The following PDXDC1 variants were observed in gnomAD, a reference collection of about 807,000 sequenced individuals.
The protein encoded by PDXDC1 is pyridoxal dependent decarboxylase domain containing 1.
A neutral mutation model predicts 100.1 loss-of-function variants in PDXDC1; 42 were observed. The ratio of observed to expected loss-of-function variants is 0.42; its 90% CI spans 0.33 to 0.54. PDXDC1 has a LOEUF of 0.54. Ranked by LOEUF, PDXDC1 falls within the 20% of genes least tolerant of loss-of-function variation. The pLI, the probability that PDXDC1 is intolerant of heterozygous loss-of-function variation, is 0.10. For missense variants in PDXDC1, 636 were observed against 979.2 expected (o/e 0.65, Z 4.68); for synonymous variants, 260 against 371.7 (o/e 0.70, Z 3.46).
intron 13 of PDXDC1, among the ~76,000 whole-genome samples, chr16:15,024,407 T>A (rs1211495706): frequency 7.2e-6 from 1 of 139,574 alleles, no homozygotes; most frequent in East Asian, 2.2e-4. Flanking sequence ...TCCCCAATTC[T>A]TCTGTTTATT....
At chr16:15,091,081 C>T (rs2046113938) in intron 16 of PDXDC1, among the ~76,000 whole-genome samples, 1 of 152,066 alleles carries the variant, frequency 6.6e-6, no homozygotes. Flanking sequence ...CTCTGTCATT[C>T]ACCCACTAGA....
At chr16:15,042,334 C>G (rs185906651), downstream of PDXDC1, among the ~76,000 whole-genome samples, 1 of 151,814 alleles carries the variant, frequency 6.6e-6, no homozygotes, top group Non-Finnish European at 1.5e-5. Flanking sequence ...TACAGACTTG[C>G]GCCACCATGC....
At chr16:15,061,466 T>G in intron 16 of PDXDC1, 1 of 370,440 alleles carries the variant, frequency 2.7e-6, no homozygotes, top group Admixed American at 4.5e-5. Context: ...ACACAAAAAA[T>G]GTACATATTA....
At chr16:15,005,317 A>AAGAAAG (rs1555551932) in intron 5 of PDXDC1, among the ~76,000 whole-genome samples, 4 of 146,862 alleles carry the variant, frequency 2.7e-5, no homozygotes, top group African/African-American at 7.5e-5. Flanking sequence ...AAAAAAAAAA[A>AAGAAAG]AAAGAAAACT....
intron 8 of PDXDC1, among the ~76,000 whole-genome samples, chr16:15,013,215 G>C (rs1243234908): frequency 6.6e-6 from 1 of 152,232 alleles, no homozygotes; most frequent in Non-Finnish European, 1.5e-5. Flanking sequence ...CAGGTGTGGT[G>C]GTGGGCACCT....
rs575766021 is a variant in PDXDC1 at position 14,987,085 on chromosome 16, G to T, written c.22-10668G>T. 3.3e-5 allele frequency among the ~76,000 whole-genome samples: 5 copies of T among 152,304 alleles called. No individual in the cohort carries two copies. The East Asian group carries it at 9.6e-4, about 29-fold the overall frequency. ...TTAAAAATGCTTGGGTTTAAGAGTT[G>T]GTGGAAAAAGGAAAAAAAAAAAATG... is the stretch of plus-strand genomic sequence containing the variant. On this transcript the variant is annotated intron_variant, in intron 1 of 22. Transcript: ENST00000396410.
At chr16:14,977,828 T>G (rs1160854577) in intron 1 of PDXDC1, among the ~76,000 whole-genome samples, 6 of 152,290 alleles carry the variant, frequency 3.9e-5, no homozygotes, top group Non-Finnish European at 4.4e-5. Flanking sequence ...ATGTGAGCAG[T>G]TGTAAATGAT....
At position 15,034,565 on chromosome 16, in the gene PDXDC1, T is replaced by C. The variant is rs371694399; in HGVS notation, c.2002+12T>C. The C allele has an allele frequency of 6.3e-7, 1 of 1,594,866 alleles. No individual in the cohort carries two copies. Among genetic ancestry groups the C allele is most frequent in the Middle Eastern group, 1.8e-4 (1 of 5,510 alleles). ...TAACTTGACAGCAGGTAGGACGGCA[T>C]AGCCTCTTCCCAGGTCTTGCTGACC... On this transcript the variant is annotated intron_variant, in intron 21 of 22. Transcript: ENST00000396410.
At chr16:15,071,083 A>G (rs1567195366) in intron 16 of PDXDC1, 4 of 1,553,586 alleles carry the variant, frequency 2.6e-6, no homozygotes, top group Middle Eastern at 2.4e-4. Flanking sequence ...TTTTTAAAGC[A>G]TGATATTAAA....
intron 16 of PDXDC1, chr16:15,074,670 A>T (rs1378179546): frequency 7.0e-7 from 1 of 1,429,928 alleles, no homozygotes; most frequent in Non-Finnish European, 9.6e-7. Flanking sequence ...AATGCCCAGC[A>T]CAAAGCCAGG....
intron 19 of PDXDC1, 147 bp downstream of exon 19, chr16:15,033,546 A>T: frequency 1.1e-6 from 1 of 920,500 alleles, no homozygotes; most frequent in Non-Finnish European, 1.7e-6. Flanking sequence ...GCCTTGTGCC[A>T]GGTGTCAGAG....
intron 16 of PDXDC1, chr16:15,094,852 C>T (rs967909708): frequency 6.6e-6 from 1 of 152,338 alleles, no homozygotes; most frequent in Non-Finnish European, 1.5e-5. Flanking sequence ...TATTTATTTT[C>T]TTTTGAGGCC....
intron 16 of PDXDC1, chr16:15,123,293 G>C: frequency 6.8e-7 from 1 of 1,465,242 alleles, no homozygotes; most frequent in South Asian, 1.2e-5. Context: ...TCACAAACCT[G>C]ATTTCTGGTC....
chr16:15,028,108 A>G (rs1374802142), intron 14 of PDXDC1, among the ~76,000 whole-genome samples: 15 of 152,348 alleles, frequency 9.8e-5, no homozygotes, highest in African/African-American at 3.6e-4. Flanking sequence ...AGGCCTGCAC[A>G]CTCTGCCCCG....
intron 5 of PDXDC1, among the ~76,000 whole-genome samples, chr16:15,005,553 A>T (rs1024817922): frequency 1.3e-5 from 2 of 152,276 alleles, no homozygotes; most frequent in African/African-American, 4.8e-5. Context: ...AACTTGGCCA[A>T]GCAGGAGTAT....
intron 1 of PDXDC1, among the ~76,000 whole-genome samples, chr16:14,978,632 C>T (rs1365662304): frequency 6.6e-6 from 1 of 152,292 alleles, no homozygotes; most frequent in Non-Finnish European, 1.5e-5. Flanking sequence ...TGGGCTGAAG[C>T]CATCCTCTTG....
chr16:15,015,910 C>T, intron 8 of PDXDC1: 1 of 1,173,024 alleles, frequency 8.5e-7, no homozygotes, highest in South Asian at 1.8e-5. Flanking sequence ...TTCAATGACA[C>T]AATTAGATAC....
At chr16:14,991,453 A>G (rs1247313475) in intron 1 of PDXDC1, among the ~76,000 whole-genome samples, 1 of 152,100 alleles carries the variant, frequency 6.6e-6, no homozygotes, top group Non-Finnish European at 1.5e-5. Context: ...GGCGTGCACC[A>G]CCACACCTGG....
chr16:15,082,008 T>TTG (rs2045726541), intron 16 of PDXDC1, among the ~76,000 whole-genome samples: 2 of 152,162 alleles, frequency 1.3e-5, no homozygotes, highest in Non-Finnish European at 2.9e-5. Context: ...CTAAAATTTC[T>TTG]TGTGTGTGTG....
Sources: gnomAD v4.1 joint callset for allele counts (sites outside exome capture counted in the v4.1 genomes callset) on GRCh38, gnomAD v4.1.1 for gene constraint, MANE v1.5 for transcripts, NCBI Gene and HGNC (gene_info 2026-07-23, HGNC 2026-07-21) for gene names.